The following TSHR variants were observed in gnomAD, a reference collection of about 807,000 sequenced individuals.
The protein encoded by TSHR is thyrotropin receptor.
TSHR carries 51 observed loss-of-function variants against 64.1 expected under a neutral mutation model. That is an observed-to-expected ratio of 0.80 (90% CI 0.64 to 1.01). TSHR has a LOEUF of 1.01. Among genes scored for constraint, TSHR ranks in the 50% least tolerant of loss-of-function variants. The pLI, the probability that TSHR is intolerant of heterozygous loss-of-function variation, is 0.00. For synonymous variants in TSHR, 361 were observed against 361.9 expected (o/e 1.00, Z 0.03); for missense variants, 877 against 942.8 (o/e 0.93, Z 0.91).
rs1288547340 is a variant in TSHR at position 81,143,699 on chromosome 14, T to G, written c.1641T>G (p.Val547=). ...GTGCCATCATGGTTGGGGGCTGGGTTTGCTGCTTCCTTCTCGCCCTGCTTC... is the reference window on the plus strand; with the variant it reads ...GTGCCATCATGGTTGGGGGCTGGGTGTGCTGCTTCCTTCTCGCCCTGCTTC... The part of the protein sequence containing the change: ...HACAIMVGGW[V]CCFLLALLPL... The change falls in exon 10 of 10, where the codon GTT becomes GTG. Residue 547 remains valine, a synonymous_variant. Transcript: ENST00000298171. 1.2e-6 allele frequency: 2 copies of G among 1,614,102 alleles called. No individual in the cohort carries two copies. The highest frequency in any genetic ancestry group is 8.5e-7 in the Non-Finnish European group (1 of 1,180,040).
At chr14:81,142,581 C>G (rs1891735194) in intron 9 of TSHR, among the ~76,000 whole-genome samples, 1 of 150,340 alleles carries the variant, frequency 6.7e-6, no homozygotes, top group Admixed American at 6.7e-5. Flanking sequence ...ATGTGGGAAC[C>G]ATTCGTGGGT....
chr14:81,025,532 T>G (rs1884005087), intron 1 of TSHR, among the ~76,000 whole-genome samples: 1 of 152,126 alleles, frequency 6.6e-6, no homozygotes, highest in Admixed American at 6.5e-5. Context: ...TTCTATAATA[T>G]TGGTTTGTTT....
chr14:81,067,548 T>G (rs1417143057), intron 2 of TSHR, among the ~76,000 whole-genome samples: 1 of 147,766 alleles, frequency 6.8e-6, no homozygotes, highest in Non-Finnish European at 1.5e-5. Context: ...ACACCATATA[T>G]ACATATGTAT....
chr14:81,066,752 C>T (rs534618251), intron 2 of TSHR, among the ~76,000 whole-genome samples: 3 of 152,054 alleles, frequency 2.0e-5, no homozygotes, highest in Admixed American at 6.6e-5. Context: ...TATCCTAGAC[C>T]GGGTCTTGGA....
At chr14:81,091,789 G>A (rs1471080192) in intron 5 of TSHR, among the ~76,000 whole-genome samples, 1 of 152,250 alleles carries the variant, frequency 6.6e-6, no homozygotes, top group African/African-American at 2.4e-5. Flanking sequence ...TCAAGGAACA[G>A]TCAGAAGTGG....
chr14:81,051,648 C>T (rs1416666234), intron 1 of TSHR: 1 of 152,158 alleles, frequency 6.6e-6, no homozygotes, highest in Non-Finnish European at 1.5e-5. Context: ...ATTCACATTT[C>T]CACAACACAG....
chr14:80,959,420 A>G (rs1886901923), intron 1 of TSHR: 1 of 152,192 alleles, frequency 6.6e-6, no homozygotes, highest in Admixed American at 6.5e-5. Context: ...TTGACCCATC[A>G]CCCTCTCTTA....
chr14:81,079,976 G>T (rs1299276869), intron 3 of TSHR, among the ~76,000 whole-genome samples: 1 of 151,050 alleles, frequency 6.6e-6, no homozygotes, highest in Non-Finnish European at 1.5e-5. Flanking sequence ...TTTTTGAGAC[G>T]GAGTCTTGCT....
rs929988477 is a variant in TSHR, at chr14:80,962,151, A to C, written c.170+6301A>C. ...GTAATAATAGGCCCTGACTCACCAG[A>C]TTCCTGGGTGGTATGAATGAGTTAA... is the stretch of plus-strand genomic sequence containing the variant. On this transcript the variant is annotated intron_variant, in intron 1 of 9. Transcript: ENST00000298171. 2.6e-5 allele frequency among the ~76,000 whole-genome samples: 4 copies of C among 152,184 alleles called. No individual in the cohort carries two copies. In the East Asian group the frequency reaches 7.7e-4, roughly 29 times the overall value.
chr14:81,127,619 T>G (rs1391524891), intron 8 of TSHR, among the ~76,000 whole-genome samples: 1 of 152,196 alleles, frequency 6.6e-6, no homozygotes, highest in Non-Finnish European at 1.5e-5. Context: ...GGGAGATAAT[T>G]GAATCATGGA....
intron 1 of TSHR, among the ~76,000 whole-genome samples, chr14:81,004,209 G>A (rs565030859): frequency 1.3e-5 from 2 of 152,148 alleles, no homozygotes; most frequent in East Asian, 1.9e-4. Flanking sequence ...CCCCTCTCCC[G>A]ACCCCGGTGG....
Position 81,143,381 on chromosome 14 carries a change from C to G in TSHR, c.1323C>G (p.Thr441=), listed in dbSNP as rs756244662. The stretch of plus-strand genomic sequence containing the variant: ...TCTTTGTCCTGCTTATTCTCCTCAC[C>G]AGCCACTACAAACTGAACGTCCCCC... ...GNVFVLLILL[T]SHYKLNVPRF... Residue 441 remains threonine, a synonymous_variant, in exon 10 of 10, where the codon ACC becomes ACG. Transcript: ENST00000298171. 4.3e-6 allele frequency: 7 copies of G among 1,614,066 alleles called. No individual in the cohort carries two copies. The Admixed American group carries it at 1.2e-4, about 27-fold the overall frequency.
chr14:80,965,078 C>T (rs1887230564), intron 1 of TSHR, among the ~76,000 whole-genome samples: 2 of 152,192 alleles, frequency 1.3e-5, no homozygotes, highest in African/African-American at 4.8e-5. Context: ...CCTGAGCTTC[C>T]ACAGCCCTTT....
At chr14:81,095,504 A>T (rs1209970510) in intron 6 of TSHR, 1 of 152,104 alleles carries the variant, frequency 6.6e-6, no homozygotes, top group Admixed American at 6.6e-5. Context: ...ACCCGGGAGC[A>T]GAGGTTGCAG....
chr14:80,982,105 C>T (rs1888201347), intron 1 of TSHR: 1 of 550,772 alleles, frequency 1.8e-6, no homozygotes. Context: ...GTAGCCAATA[C>T]CTGGGCCAAA....
intron 5 of TSHR, 69 bp downstream of exon 5, chr14:81,091,212 T>A: frequency 7.4e-7 from 1 of 1,356,004 alleles, no homozygotes; most frequent in South Asian, 1.2e-5. Context: ...AATACAGTCA[T>A]GAGGGTAGGT....
chr14:80,963,654 G>A (rs577571866), intron 1 of TSHR, among the ~76,000 whole-genome samples: 2 of 152,314 alleles, frequency 1.3e-5, no homozygotes, highest in South Asian at 4.1e-4. Flanking sequence ...GCAGATCTTA[G>A]CAAGTCTTAT....
At chr14:81,006,966 C>G (rs1000710295) in intron 1 of TSHR, among the ~76,000 whole-genome samples, 1 of 152,192 alleles carries the variant, frequency 6.6e-6, no homozygotes, top group African/African-American at 2.4e-5. Flanking sequence ...TTATTATTAA[C>G]TGAAGTCCAT....
chr14:80,971,853 G>A (rs767659120), intron 1 of TSHR, among the ~76,000 whole-genome samples: 1 of 150,856 alleles, frequency 6.6e-6, no homozygotes, highest in Non-Finnish European at 1.5e-5. Context: ...GAATGATTGG[G>A]GGACAGTCAC....
Sources: gnomAD v4.1 joint callset for allele counts (sites outside exome capture counted in the v4.1 genomes callset) on GRCh38, gnomAD v4.1.1 for gene constraint, MANE v1.5 for transcripts, NCBI Gene and HGNC (gene_info 2026-07-23, HGNC 2026-07-21) for gene names.